The following SLC24A2 variants were observed in gnomAD, a reference collection of about 807,000 sequenced individuals.
The protein encoded by SLC24A2 is solute carrier family 24 member 2.
In SLC24A2, 36 loss-of-function variants were observed where a neutral mutation model predicts 62.0. That is an observed-to-expected ratio of 0.58 (90% CI 0.44 to 0.77). The LOEUF (loss-of-function observed/expected upper bound fraction) is 0.77. Ranked by LOEUF, SLC24A2 falls within the 30% of genes least tolerant of loss-of-function variation. SLC24A2 has a pLI of 0.00. For synonymous variants in SLC24A2, 358 were observed against 294.0 expected (o/e 1.22, Z -2.23); for missense variants, 846 against 817.9 (o/e 1.03, Z -0.42).
chr9:19,832,878 T>A, the SLC24A2 span, among the ~76,000 whole-genome samples: 12 of 151,990 alleles, frequency 7.9e-5, no homozygotes, highest in South Asian at 2.3e-3. Flanking sequence ...TACAATGAAC[T>A]CAAACAAATT....
At chr9:19,881,301 C>A in the SLC24A2 span, among the ~76,000 whole-genome samples, 4 of 152,008 alleles carry the variant, frequency 2.6e-5, no homozygotes, top group Non-Finnish European at 4.4e-5. Context: ...GAAGAAAGAG[C>A]AAATAGTGTC....
the SLC24A2 span, among the ~76,000 whole-genome samples, chr9:20,095,784 C>A: frequency 6.6e-6 from 1 of 151,914 alleles, no homozygotes; most frequent in Non-Finnish European, 1.5e-5. Flanking sequence ...TTTTAATGGA[C>A]TCACATTTCC....
At chr9:20,185,703 C>T in the SLC24A2 span, among the ~76,000 whole-genome samples, 1 of 151,308 alleles carries the variant, frequency 6.6e-6, no homozygotes, top group Non-Finnish European at 1.5e-5. Context: ...AAAAACATTA[C>T]TCAGCCCCCA....
chr9:19,776,417 G>T (rs74429673), intron 2 of SLC24A2, among the ~76,000 whole-genome samples: 7,005 of 152,274 alleles, frequency 0.046, 178 homozygotes, highest in East Asian at 0.097. Context: ...TGTTGATGTA[G>T]TAAGTACCTG....
the SLC24A2 span, among the ~76,000 whole-genome samples, chr9:19,940,929 TC>T: frequency 6.6e-6 from 1 of 152,198 alleles, no homozygotes; most frequent in Non-Finnish European, 1.5e-5. Flanking sequence ...TCATTTCCTT[TC>T]CTTTCAGGGA....
At chr9:20,305,654 G>C in the SLC24A2 span, among the ~76,000 whole-genome samples, 1 of 152,162 alleles carries the variant, frequency 6.6e-6, no homozygotes, top group Non-Finnish European at 1.5e-5. Flanking sequence ...ACATACGTCA[G>C]CATATTTGAG....
At position 19,619,683 on chromosome 9, in the gene SLC24A2, G is replaced by A. The variant is rs1056820239; in HGVS notation, c.979C>T (p.Arg327Cys). 9 of 1,613,398 alleles carry A rather than the reference G, an allele frequency of 5.6e-6. No individual in the cohort carries two copies. The highest frequency in any genetic ancestry group is 6.8e-6 in the Non-Finnish European group (8 of 1,179,508). ...KDEPTLPAKPRLQRGGSSASL... is the reference protein window; with the variant it reads ...KDEPTLPAKPCLQRGGSSASL... ...GCAGAGCTTCCACCTCGCTGGAGAC[G>A]CGGCTTAGCCTGAGCAGAGAAACCA... Residue 327 changes from arginine (R) to cysteine (C), a missense_variant, in exon 4 of 11, where the codon CGT becomes TGT. Coordinates refer to ENST00000341998, the MANE Select transcript of SLC24A2 (RefSeq NM_020344.4).
chr9:20,153,324 T>G, the SLC24A2 span, among the ~76,000 whole-genome samples: 578 of 151,914 alleles, frequency 3.8e-3, 3 homozygotes, highest in Non-Finnish European at 6.5e-3. Context: ...TCTTCATTTA[T>G]AAAATAAAAG....
chr9:19,523,298 C>T (rs112365939), intron 9 of SLC24A2, among the ~76,000 whole-genome samples: 5 of 152,276 alleles, frequency 3.3e-5, no homozygotes, highest in African/African-American at 1.2e-4. Flanking sequence ...TAGCTTGCCA[C>T]TCCTAGTGCA....
At chr9:19,687,122 C>T (rs910847498) in intron 2 of SLC24A2, among the ~76,000 whole-genome samples, 3 of 151,912 alleles carry the variant, frequency 2.0e-5, no homozygotes, top group African/African-American at 4.8e-5. Context: ...ACACCAGGGC[C>T]TACTTAAGGG....
At chr9:19,659,761 T>A (rs1049085689) in intron 2 of SLC24A2, among the ~76,000 whole-genome samples, 11 of 152,194 alleles carry the variant, frequency 7.2e-5, no homozygotes, top group African/African-American at 2.6e-4. Flanking sequence ...AGCTCTTAAG[T>A]GAGCTGATTT....
chr9:19,600,751 C>T (rs767835390), intron 4 of SLC24A2, among the ~76,000 whole-genome samples: 1 of 152,120 alleles, frequency 6.6e-6, no homozygotes, highest in Non-Finnish European at 1.5e-5. Context: ...GGCCATATTT[C>T]ACCTTATTTT....
chr9:20,291,113 A>G, the SLC24A2 span, among the ~76,000 whole-genome samples: 2 of 152,226 alleles, frequency 1.3e-5, no homozygotes, highest in Non-Finnish European at 2.9e-5. Flanking sequence ...TCCAAGGAGC[A>G]TACGGAAGTC....
chr9:19,999,757 C>T, the SLC24A2 span, among the ~76,000 whole-genome samples: 12 of 152,256 alleles, frequency 7.9e-5, no homozygotes, highest in South Asian at 2.1e-4. Context: ...TGTGTCCTGC[C>T]TTACAGTCAT....
chr9:20,240,211 C>G, the SLC24A2 span, among the ~76,000 whole-genome samples: 6 of 152,110 alleles, frequency 3.9e-5, no homozygotes, highest in Non-Finnish European at 8.8e-5. Flanking sequence ...CCTACCTGGG[C>G]AGAAGATGCT....
intron 8 of SLC24A2, among the ~76,000 whole-genome samples, chr9:19,548,755 C>CAGCCCCTGCAGCATGGCCAGGGT (rs1449780062): frequency 2.0e-5 from 3 of 152,206 alleles, no homozygotes; most frequent in Non-Finnish European, 1.5e-5. Flanking sequence ...CTTTGAGAGT[C>CAGCCCCTGCAGCATGGCCAGGGT]AGCCCCTGCA....
intron 2 of SLC24A2, among the ~76,000 whole-genome samples, chr9:19,637,033 C>G (rs1217882983): frequency 6.6e-6 from 1 of 152,166 alleles, no homozygotes. Flanking sequence ...GGGTATGTAT[C>G]TTGAAAGCCT....
At chr9:20,041,656 A>G in the SLC24A2 span, among the ~76,000 whole-genome samples, 3 of 152,242 alleles carry the variant, frequency 2.0e-5, no homozygotes, top group Non-Finnish European at 4.4e-5. Context: ...TGCCTCATAC[A>G]TATGAAGGAA....
At chr9:19,959,377 C>A in the SLC24A2 span, among the ~76,000 whole-genome samples, 1 of 152,188 alleles carries the variant, frequency 6.6e-6, no homozygotes, top group Non-Finnish European at 1.5e-5. Flanking sequence ...CACTGAAGTT[C>A]ATTTGACAGA....
Sources: allele counts gnomAD v4.1 joint callset (sites outside exome capture counted in the v4.1 genomes callset), GRCh38; gene constraint gnomAD v4.1.1; transcripts MANE v1.5; gene names NCBI Gene and HGNC (gene_info 2026-07-23, HGNC 2026-07-21).